The following TENT2 variants were observed in gnomAD, a reference collection of about 807,000 sequenced individuals.
TENT2 encodes terminal nucleotidyltransferase 2, also known as poly(A) RNA polymerase GLD2.
TENT2 carries 44 observed loss-of-function variants against 72.2 expected under a neutral mutation model. The observed-to-expected ratio is 0.61, with a 90% CI of 0.48 to 0.78. The LOEUF is 0.78. Among genes scored for constraint, TENT2 ranks in the 30% least tolerant of loss-of-function variants. The probability of loss-of-function intolerance (pLI) is 0.00; values close to 1 mark genes in which losing one functional copy is unlikely to be tolerated. For missense variants in TENT2, 541 were observed against 569.6 expected, an observed-to-expected ratio of 0.95 and a Z score of 0.51; for synonymous variants, 212 against 192.5, an observed-to-expected ratio of 1.10 and a Z score of -0.84.
intron 4 of TENT2, among the ~76,000 whole-genome samples, chr5:79,625,015 C>T (rs962199178): frequency 2.6e-5 from 4 of 152,176 alleles, no homozygotes; most frequent in Non-Finnish European, 4.4e-5. Context: ...CTATCAACAG[C>T]GTATAGGTTG....
intron 4 of TENT2, among the ~76,000 whole-genome samples, chr5:79,625,458 A>C (rs767897909): frequency 5.3e-5 from 8 of 152,170 alleles, no homozygotes; most frequent in Non-Finnish European, 7.3e-5. Context: ...TTGGTGTCAT[A>C]TCTAAGAAAC....
At chr5:79,653,678 T>C (rs1795834224) in intron 10 of TENT2, among the ~76,000 whole-genome samples, 1 of 152,226 alleles carries the variant, frequency 6.6e-6, no homozygotes, top group African/African-American at 2.4e-5. Context: ...TACCCAGAGC[T>C]AATGTGTATC....
At chr5:79,669,063 T>G (rs779947216) in intron 12 of TENT2, 35 bp downstream of exon 12, 1 of 1,602,960 alleles carries the variant, frequency 6.2e-7, no homozygotes, top group East Asian at 2.2e-5. Flanking sequence ...TGTTCACTTA[T>G]ATGTGTGTGT....
intron 10 of TENT2, among the ~76,000 whole-genome samples, chr5:79,650,199 A>C (rs1325254097): frequency 2.0e-5 from 3 of 152,146 alleles, no homozygotes; most frequent in Non-Finnish European, 4.4e-5. Flanking sequence ...ATTTTAGCAT[A>C]TATAATACTC....
chr5:79,669,062 ATATG>A, intron 12 of TENT2, 34 bp downstream of exon 12: 1 of 1,603,362 alleles, frequency 6.2e-7, no homozygotes, highest in Non-Finnish European at 8.5e-7. Context: ...TTGTTCACTT[ATATG>A]TGTGTGTGTG....
intron 12 of TENT2, among the ~76,000 whole-genome samples, chr5:79,672,802 T>C (rs1476733178): frequency 6.6e-6 from 1 of 152,240 alleles, no homozygotes; most frequent in East Asian, 1.9e-4. Context: ...ATCCTGATTT[T>C]CTTTCATTTG....
rs763188493 is a variant in TENT2, at chr5:79,637,066, A to G, written c.466-3785A>G. ...AGCCTGGGCAAAATAGTGAGAAACTATCTCTCAAGAAAAAAAAATTAACCA... is the reference window on the plus strand; with the variant it reads ...AGCCTGGGCAAAATAGTGAGAAACTGTCTCTCAAGAAAAAAAAATTAACCA... On this transcript the variant is annotated intron_variant, in intron 4 of 14. Transcript: ENST00000453514. 2.6e-5 allele frequency among the ~76,000 whole-genome samples: 4 copies of G among 152,076 alleles called. No homozygotes were observed. In the South Asian group the frequency reaches 6.2e-4, roughly 24 times the overall value.
At chr5:79,671,238 A>G (rs1469851859) in intron 12 of TENT2, among the ~76,000 whole-genome samples, 1 of 152,160 alleles carries the variant, frequency 6.6e-6, no homozygotes, top group Non-Finnish European at 1.5e-5. Flanking sequence ...TACATTTGTC[A>G]TTTCATATGA....
chr5:79,620,053 C>CCT lies in TENT2; in HGVS notation c.199_200dup (p.Ala68GlnfsTer12). 6 of 1,610,148 alleles carry CCT rather than the reference C, an allele frequency of 3.7e-6. No individual in the cohort carries two copies. The highest frequency in any genetic ancestry group is 1.3e-5 in the African/African-American group (1 of 74,902). Reference sequence around the variant, plus strand: ...TATGGAAATGTCAGTCCAATACAGACCTCAGCTTCCCCATTATTTCGAGGA... The same window carrying CCT: ...TATGGAAATGTCAGTCCAATACAGACCTCTCAGCTTCCCCATTATTTCGAGGA... On this transcript the variant is annotated frameshift_variant, in exon 3 of 15. Transcript: ENST00000453514. LOFTEE classifies it high-confidence loss of function.
At chr5:79,635,281 T>G (rs1223833356) in intron 4 of TENT2, among the ~76,000 whole-genome samples, 1 of 152,192 alleles carries the variant, frequency 6.6e-6, no homozygotes, top group African/African-American at 2.4e-5. Context: ...TGTTCTAGGG[T>G]AAAGTAATAT....
chr5:79,623,656 G>A (rs895367400), intron 4 of TENT2, 167 bp downstream of exon 4: 5 of 433,276 alleles, frequency 1.2e-5, no homozygotes, highest in African/African-American at 8.2e-5. Flanking sequence ...TTTGATTTTT[G>A]TTAGCTATTC....
At chr5:79,647,538 ATAC>A (rs1255820302) in intron 8 of TENT2, among the ~76,000 whole-genome samples, 1 of 152,216 alleles carries the variant, frequency 6.6e-6, no homozygotes, top group Non-Finnish European at 1.5e-5. Context: ...TGAAGTGTTA[ATAC>A]TACTATCCAT....
intron 4 of TENT2, among the ~76,000 whole-genome samples, chr5:79,631,071 C>G (rs1775074342): frequency 6.6e-6 from 1 of 152,142 alleles, no homozygotes. Context: ...GTCTAAGCCT[C>G]TACAATATCG....
chr5:79,625,586 C>A (rs766781774), intron 4 of TENT2, among the ~76,000 whole-genome samples: 3 of 151,864 alleles, frequency 2.0e-5, no homozygotes, highest in East Asian at 3.9e-4. Flanking sequence ...AGTTTTAATT[C>A]TTATATTTAG....
intron 10 of TENT2, among the ~76,000 whole-genome samples, chr5:79,653,881 C>G (rs942583996): frequency 6.6e-6 from 1 of 152,182 alleles, no homozygotes; most frequent in Non-Finnish European, 1.5e-5. Context: ...ACCTCACTGG[C>G]CTTAATCTCA....
chr5:79,668,725 A>C, intron 11 of TENT2, 167 bp from the exon 12 acceptor site: 1 of 645,932 alleles, frequency 1.5e-6, no homozygotes, highest in Admixed American at 2.9e-5. Context: ...GTCTACTGCA[A>C]ATACTGGTGA....
In TENT2 at chr5:79,659,560, A is replaced by G. The variant is rs1293735756; in HGVS notation, c.1071+2559A>G. 4.4e-3 allele frequency among the ~76,000 whole-genome samples: 234 copies of G among 52,678 alleles called. 10 individuals are homozygous for G. Among genetic ancestry groups the G allele is most frequent in the African/African-American group, 0.015 (81 of 5,384 alleles). The allele number at this position is 52,678 out of a possible 152,430, so 34.6% of individuals were successfully genotyped here. ...AAAAAAAAAAAAAAAAAAAATGTAT[A>G]TATATATATATATATATATATATAT... On this transcript the variant is annotated intron_variant, in intron 11 of 14. Transcript: ENST00000453514.
intron 12 of TENT2, among the ~76,000 whole-genome samples, chr5:79,676,365 C>T (rs1434429875): frequency 1.3e-5 from 2 of 152,154 alleles, no homozygotes; most frequent in Non-Finnish European, 2.9e-5. Context: ...GTGGGCAGAT[C>T]GCTTGAGGTC....
At chr5:79,627,933 A>C (rs909911332) in intron 4 of TENT2, among the ~76,000 whole-genome samples, 1 of 152,222 alleles carries the variant, frequency 6.6e-6, no homozygotes, top group Admixed American at 6.5e-5. Flanking sequence ...TACATATGCT[A>C]TCTCATTTAG....
Sources: gnomAD v4.1 joint callset for allele counts (sites outside exome capture counted in the v4.1 genomes callset) on GRCh38, gnomAD v4.1.1 for gene constraint, MANE v1.5 for transcripts, NCBI Gene and HGNC (gene_info 2026-07-23, HGNC 2026-07-21) for gene names.